NBN: variants seen among roughly 807,000 people sequenced by gnomAD.
NBN encodes Nijmegen breakage syndrome 1 (nibrin).
NBN carries 88 observed loss-of-function variants against 90.8 expected under a neutral mutation model. The observed-to-expected ratio is 0.97, with a 90% CI of 0.82 to 1.16. The LOEUF (loss-of-function observed/expected upper bound fraction) is 1.16, where lower values mean the gene tolerates loss of function less well. Ranked by LOEUF, NBN falls within the 50% of genes most tolerant of loss-of-function variation. The pLI is 0.00. For missense variants in NBN, 894 were observed against 869.6 expected, an observed-to-expected ratio of 1.03 and a Z score of -0.35; for synonymous variants, 328 against 295.1, an observed-to-expected ratio of 1.11 and a Z score of -1.14.
At chr8:89,982,042 AT>A in intron 2 of NBN, 2 of 867,012 alleles carry the variant, frequency 2.3e-6, no homozygotes, top group Non-Finnish European at 3.3e-6. Flanking sequence ...AACTGAAGAA[AT>A]TCATATCGCA....
rs13312961 is a variant in NBN at position 89,938,074 on chromosome 8, T to C, written c.2185-999A>G. Among the ~76,000 whole-genome samples the C allele has an allele frequency of 1.9e-3, 285 of 152,294 alleles. 2 individuals carry two copies. Among genetic ancestry groups the C allele is most frequent in the East Asian group, 0.012 (62 of 5,186 alleles). The stretch of plus-strand genomic sequence containing the variant: ...CCTGATCCCCTTCTTCTAAAAATAA[T>C]GCCTGCTGTGAAGAACTCTCCCAAA... On this transcript the variant is annotated intron_variant, in intron 14 of 15. Coordinates refer to ENST00000265433, the MANE Select transcript of NBN (RefSeq NM_002485.5).
At chr8:89,970,813 T>A (rs1010738024) in intron 6 of NBN, among the ~76,000 whole-genome samples, 1 of 152,160 alleles carries the variant, frequency 6.6e-6, no homozygotes, top group African/African-American at 2.4e-5. Flanking sequence ...ATTTCTCCAC[T>A]ACAACATAAA....
At chr8:89,936,404 T>C (rs1404295066) in intron 15 of NBN, among the ~76,000 whole-genome samples, 2 of 152,178 alleles carry the variant, frequency 1.3e-5, no homozygotes, top group African/African-American at 2.4e-5. Flanking sequence ...GTTATGAAAT[T>C]AGAGAATCAA....
chr8:89,971,142 T>C, intron 6 of NBN, 31 bp downstream of exon 6: 2 of 1,593,850 alleles, frequency 1.3e-6, no homozygotes, highest in Non-Finnish European at 1.7e-6. Flanking sequence ...TAATGTATTC[T>C]TTAGGAAAAT....
Position 89,982,757 on chromosome 8 carries a change from C to G in NBN, c.136G>C (p.Ala46Pro), listed in dbSNP as rs1812129847. ...ACAGAAAAGTTAGCAGTTAACACAG[C>G]ATGATTTCGGCTGATCGACTGATCA... ...ENDQSISRNH[A>P]VLTANFSVTN... The change falls in exon 2 of 16, where the codon GCT becomes CCT. Residue 46 changes from alanine to proline, a missense_variant. Physicochemically the swap from Ala to Pro is conservative, Grantham distance 27 (BLOSUM62 -1). Transcript: ENST00000265433. 1 of 1,613,890 alleles carries G rather than the reference C, an allele frequency of 6.2e-7. No homozygotes were observed. The highest frequency in any genetic ancestry group is 1.3e-5 in the African/African-American group (1 of 74,918).
In NBN at chr8:89,971,273, T is replaced by A. The variant is rs587780098; in HGVS notation, c.602A>T (p.Asp201Val). 4 of 1,612,560 alleles carry A rather than the reference T, an allele frequency of 2.5e-6. No homozygotes were observed. Among genetic ancestry groups the A allele is most frequent in the Non-Finnish European group, 2.5e-6 (3 of 1,179,134 alleles). ...PQIESFYPPL[D>V]EPSIGSKNVD... ...ATTTTTACTTCCAATAGATGGTTCA[T>A]CAAGAGGTGGGTAAAAACTGTAAAA... The change falls in exon 6 of 16, where the codon GAT becomes GTT. Residue 201 changes from aspartate to valine, a missense_variant. Asp to Val is a radical substitution (Grantham distance 152). Transcript: ENST00000265433.
At chr8:89,971,066 A>T in intron 6 of NBN, 107 bp downstream of exon 6, 1 of 1,268,324 alleles carries the variant, frequency 7.9e-7, no homozygotes, top group Non-Finnish European at 1.1e-6. Context: ...TCACACTTTT[A>T]CACAAAATCC....
chr8:89,956,090 C>T (rs988789794), intron 9 of NBN, among the ~76,000 whole-genome samples: 1 of 151,204 alleles, frequency 6.6e-6, no homozygotes, highest in Non-Finnish European at 1.5e-5. Context: ...CTTTAGATTA[C>T]CAGAAAAATA....
chr8:89,962,809 G>A (rs977919984), intron 8 of NBN, among the ~76,000 whole-genome samples: 2 of 152,104 alleles, frequency 1.3e-5, no homozygotes, highest in African/African-American at 4.8e-5. Context: ...TAAAATACTA[G>A]CCTGTCAAAT....
At chr8:89,965,193 A>G (rs1246821257) in intron 7 of NBN, among the ~76,000 whole-genome samples, 1 of 152,166 alleles carries the variant, frequency 6.6e-6, no homozygotes, top group Non-Finnish European at 1.5e-5. Flanking sequence ...ATGAAACTTC[A>G]AAGAGAAGAA....
At chr8:89,955,023 CAG>C (rs761759638) in intron 10 of NBN, among the ~76,000 whole-genome samples, 3 of 151,936 alleles carry the variant, frequency 2.0e-5, no homozygotes, top group East Asian at 1.9e-4. Context: ...AGAGCTGAGA[CAG>C]GGGGTTAGTT....
chr8:89,971,656 G>A (rs924814450), intron 5 of NBN, among the ~76,000 whole-genome samples: 2 of 152,104 alleles, frequency 1.3e-5, no homozygotes, highest in African/African-American at 4.8e-5. Flanking sequence ...AGCATCTTGT[G>A]TTTACTTAGG....
Position 89,953,619 on chromosome 8 carries a change from T to C in NBN, c.1470A>G (p.Leu490=). The change falls in exon 11 of 16, where the codon TTA becomes TTG. Residue 490 remains leucine (L), a synonymous_variant. Coordinates refer to ENST00000265433, the MANE Select transcript of NBN (RefSeq NM_002485.5). ...SARIETSCSL[L]EQTQPATPSL... ...AGGGTGTAGCAGGTTGTGTTTGTTC[T>C]AAAAGAGAACAAGACGTTTCTATTC... 1 of 1,613,434 alleles carries C rather than the reference T, an allele frequency of 6.2e-7. No homozygotes were observed. Among genetic ancestry groups the C allele is most frequent in the Non-Finnish European group, 8.5e-7 (1 of 1,179,640 alleles).
chr8:89,967,575 G>GA (rs1811314423), intron 7 of NBN, among the ~76,000 whole-genome samples: 1 of 152,130 alleles, frequency 6.6e-6, no homozygotes, highest in Non-Finnish European at 1.5e-5. Context: ...CAAGGCTGGG[G>GA]AACAGGTCAG....
intron 8 of NBN, among the ~76,000 whole-genome samples, chr8:89,962,215 T>C (rs543301071): frequency 8.5e-5 from 13 of 152,176 alleles, no homozygotes; most frequent in Non-Finnish European, 1.6e-4. Context: ...TTCTGAATCA[T>C]GGACAATGTA....
At chr8:89,952,534 T>A (rs2129691265) in intron 11 of NBN, among the ~76,000 whole-genome samples, 1 of 152,326 alleles carries the variant, frequency 6.6e-6, no homozygotes, top group East Asian at 1.9e-4. Flanking sequence ...CTCAACTGCT[T>A]AGCTAATAAA....
intron 8 of NBN, among the ~76,000 whole-genome samples, chr8:89,964,063 T>C (rs1811124562): frequency 6.6e-6 from 1 of 152,180 alleles, no homozygotes; most frequent in Non-Finnish European, 1.5e-5. Context: ...CCTATCTAAA[T>C]AGCCTACTAC....
rs1187082186 is a variant in NBN at position 89,971,213 on chromosome 8, A to G, written c.662T>C (p.Ile221Thr). The stretch of plus-strand genomic sequence containing the variant: ...AAATATAAATGTTTTCCCTTTGAAG[A>G]TTTGTTTTCTTTCCTGCCGTCCTGA... Reference protein sequence around the residue: ...DLSGRQERKQIFKGKTFIFLN... With the variant: ...DLSGRQERKQTFKGKTFIFLN... The change falls in exon 6 of 16, where the codon ATC becomes ACC. Residue 221 changes from isoleucine to threonine, a missense_variant. Ile to Thr is a moderately conservative substitution (Grantham distance 89). Coordinates refer to ENST00000265433, the MANE Select transcript of NBN (RefSeq NM_002485.5). The G allele has an allele frequency of 1.9e-6, 3 of 1,613,220 alleles. No homozygotes were observed. The highest frequency in any genetic ancestry group is 1.7e-4 in the Middle Eastern group (1 of 6,052).
rs1354459986 is a variant in NBN, at chr8:89,958,788, G to T, written c.1061C>A (p.Pro354Gln). ...QGVSVDEKLM[P>Q]SAPVNTTTYV... ...TGTTGTAGTGTTCACTGGGGCGCTT[G>T]GCATTAGTTTTTCATCAACTGACAC... The change falls in exon 9 of 16, where the codon CCA (proline) becomes CAA (glutamine). Residue 354 changes from proline (P) to glutamine (Q), a missense_variant. Coordinates refer to ENST00000265433, the MANE Select transcript of NBN (RefSeq NM_002485.5). 6.2e-7 allele frequency: 1 copy of T among 1,614,094 alleles called. No individual in the cohort carries two copies. The highest frequency in any genetic ancestry group is 1.3e-5 in the African/African-American group (1 of 75,046).
Sources: allele counts gnomAD v4.1 joint callset (sites outside exome capture counted in the v4.1 genomes callset), GRCh38; gene constraint gnomAD v4.1.1; transcripts MANE v1.5; gene names NCBI Gene and HGNC (gene_info 2026-07-23, HGNC 2026-07-21).